Variants in RPL4 observed in about 807,000 individuals in gnomAD.
The protein encoded by RPL4 is ribosomal protein L4.
In RPL4, 3 loss-of-function variants were observed where a neutral mutation model predicts 47.7. That is an observed-to-expected ratio of 0.06 (90% CI 0.03 to 0.16). RPL4 has a LOEUF of 0.16. RPL4 is among the 10% of genes least tolerant of loss of function. The pLI is 1.00. For synonymous variants in RPL4, 208 were observed against 182.1 expected, an observed-to-expected ratio of 1.14 and a Z score of -1.15; for missense variants, 413 against 551.3, an observed-to-expected ratio of 0.75 and a Z score of 2.51.
Position 66,499,203 on chromosome 15 carries a change from T to C in RPL4, c.*204A>G. The stretch of plus-strand genomic sequence containing the variant: ...TCCACTGAACTCCATGGACTTAGTA[T>C]AAATCCATGCCCCATTTTATACCAC... On this transcript the variant is annotated 3_prime_UTR_variant, in exon 10 of 10. Transcript: ENST00000307961. 1.7e-6 allele frequency: 1 copy of C among 598,232 alleles called. No homozygotes were observed. The highest frequency in any genetic ancestry group is 2.9e-6 in the Non-Finnish European group (1 of 349,702). The allele number at this position is 598,232 out of a possible 1,614,324, so 37.1% of individuals were successfully genotyped here. A position where few individuals can be genotyped will look rare whatever the true frequency, so the allele number is the denominator to read the frequency against.
At chr15:66,499,852 G>GT (rs1168378970) in intron 9 of RPL4, 200 bp from the exon 10 acceptor site, 3 of 900,204 alleles carry the variant, frequency 3.3e-6, no homozygotes, top group African/African-American at 1.7e-5. Flanking sequence ...GTGACACCCC[G>GT]TCTCTACTGA....
chr15:66,499,969 G>T, intron 9 of RPL4, 87 bp downstream of exon 9: 1 of 1,516,234 alleles, frequency 6.6e-7, no homozygotes, highest in South Asian at 1.2e-5. Flanking sequence ...GTTGCAGTGA[G>T]CTGAGATCAC....
rs1183291331 is a variant in RPL4, at chr15:66,504,793, C to G, written c.-3G>C. On this transcript the variant is annotated 5_prime_UTR_variant, in exon 1 of 10. Coordinates refer to ENST00000307961, the MANE Select transcript of RPL4 (RefSeq NM_000968.4). ...CCAAGAGAACTTCCACTCACCATGG[C>G]GGAGAGAGGAGACAGCCACGCTCCT... The G allele has an allele frequency of 3.7e-6, 6 of 1,611,878 alleles. No homozygotes were observed. The highest frequency in any genetic ancestry group is 1.6e-4 in the Middle Eastern group (1 of 6,084).
At chr15:66,502,462 A>G (rs1893640195) in intron 4 of RPL4, 150 bp downstream of exon 4, 1 of 831,768 alleles carries the variant, frequency 1.2e-6, no homozygotes, top group African/African-American at 1.7e-5. Flanking sequence ...TGGAATATCC[A>G]TGAACTAAAA....
chr15:66,502,847 GCTTA>G, intron 3 of RPL4, 97 bp from the exon 4 acceptor site: 4 of 1,568,638 alleles, frequency 2.5e-6, no homozygotes, highest in East Asian at 2.2e-5. Context: ...TTCTGTACCA[GCTTA>G]CTGACAGCAG....
rs373217813 is a variant in RPL4 at position 66,501,785 on chromosome 15, G to C, written c.546+3C>G. 6.2e-7 allele frequency: 1 copy of C among 1,608,220 alleles called. No homozygotes were observed. Among genetic ancestry groups the C allele is most frequent in the Non-Finnish European group, 8.5e-7 (1 of 1,178,842 alleles). ...AAACTGTAAATGTGCTCATTGAACG[G>C]ACCTTTTTGATATCATTCCAGGCTT... On this transcript the variant is annotated splice_donor_region_variant and intron_variant, in intron 5 of 9. Transcript: ENST00000307961.
At position 66,499,517 on chromosome 15, in the gene RPL4, G is replaced by T. The variant is rs1276881462; in HGVS notation, c.1174C>A (p.Gln392Lys). 3 of 1,612,350 alleles carry T rather than the reference G, an allele frequency of 1.9e-6. No homozygotes were observed. Among genetic ancestry groups the T allele is most frequent in the Admixed American group, 1.7e-5 (1 of 59,990 alleles). Residue 392 changes from glutamine to lysine, a missense_variant, in exon 10 of 10, where the codon CAG becomes AAG. By Grantham distance (53) the Gln-to-Lys change is moderately conservative. Transcript: ENST00000307961. Reference sequence around the variant, plus strand: ...TTTTTTCCCACCAGAGGCTTCTTCTGCTTCTTAACACCAACAGCAGCCTTC... The same window carrying T: ...TTTTTTCCCACCAGAGGCTTCTTCTTCTTCTTAACACCAACAGCAGCCTTC... ...GKKAAVGVKK[Q>K]KKPLVGKKAA... is the part of the protein sequence containing the mutation.
At chr15:66,501,956 T>TG in intron 4 of RPL4, 44 bp from the exon 5 acceptor site, 2 of 1,580,478 alleles carry the variant, frequency 1.3e-6, no homozygotes, top group South Asian at 2.3e-5. Context: ...CTGAAACTTT[T>TG]GGAGAAAAAA....
Position 66,502,151 on chromosome 15 carries a change from G to C in RPL4, c.422-239C>G. 3 of 646,184 alleles carry C rather than the reference G, an allele frequency of 4.6e-6. No individual in the cohort carries two copies. The African/African-American group carries it at 5.4e-5, about 12-fold the overall frequency. The allele number at this position is 646,184 out of a possible 1,614,324, so 40.0% of individuals were successfully genotyped here. On this transcript the variant is annotated intron_variant, in intron 4 of 9. Transcript: ENST00000307961. Reference sequence around the variant, plus strand: ...CAAGTTTAAGTTGGAAGTTTTCTAAGGATATACTAAACTACTACTTGAATA... The same window carrying C: ...CAAGTTTAAGTTGGAAGTTTTCTAACGATATACTAAACTACTACTTGAATA...
In RPL4 at chr15:66,503,376, C is replaced by A. The variant is rs1004258910; in HGVS notation, c.157G>T (p.Ala53Ser). Residue 53 changes from alanine to serine, a missense_variant, in exon 2 of 10, where the codon GCT becomes TCT. Ala to Ser is a moderately conservative substitution (Grantham distance 99). Around this residue, in one of 4 missense-constraint regions of RPL4, gnomAD observed 56 missense variants for 70.6 expected, o/e 0.79. Coordinates refer to ENST00000307961, the MANE Select transcript of RPL4 (RefSeq NM_000968.4). ...NLRKNNRQPY[A>S]VSELAGHQTS... is the part of the protein sequence containing the mutation. The stretch of plus-strand genomic sequence containing the variant: ...TCCATACCTGCTAATTCACTGACAG[C>A]ATAGGGCTGTCTGTTGTTTTTGCGC... 1.9e-6 allele frequency: 3 copies of A among 1,610,304 alleles called. No individual in the cohort carries two copies. In the African/African-American group the frequency reaches 4.0e-5, roughly 22 times the overall value.
At chr15:66,504,031 C>T (rs1054650106) in intron 1 of RPL4, among the ~76,000 whole-genome samples, 1 of 152,206 alleles carries the variant, frequency 6.6e-6, no homozygotes, top group African/African-American at 2.4e-5. Context: ...TTCTCTACTT[C>T]TGATCTCAAC....
At chr15:66,502,570 T>TTATTTC (rs1463970435) in intron 4 of RPL4, 42 bp downstream of exon 4, 1 of 1,594,038 alleles carries the variant, frequency 6.3e-7, no homozygotes, top group African/African-American at 1.3e-5. Context: ...AGTAGGTGTC[T>TTATTTC]TATTTCTTCT....
At position 66,501,242 on chromosome 15, in the gene RPL4, T is replaced by C. The variant is rs755596632; in HGVS notation, c.676+133A>G. The C allele has an allele frequency of 2.6e-6, 4 of 1,553,870 alleles. No individual in the cohort carries two copies. In the South Asian group the frequency reaches 4.5e-5, roughly 17 times the overall value. ...TTTCAACCATCAATGGTGCAACTCT[T>C]TCAGCCATAAATCAGAACTTCCACA... On this transcript the variant is annotated intron_variant, in intron 6 of 9. Coordinates refer to ENST00000307961, the MANE Select transcript of RPL4 (RefSeq NM_000968.4).
Position 66,499,624 on chromosome 15 carries a change from G to A in RPL4, c.1067C>T (p.Ala356Val). 3.1e-6 allele frequency: 5 copies of A among 1,614,008 alleles called. No individual in the cohort carries two copies. Among genetic ancestry groups the A allele is most frequent in the South Asian group, 1.1e-5 (1 of 91,078 alleles). ...NHKLRVDKAA[A>V]AAAALQAKSD... ...TTTGGCTTGTAGTGCCGCTGCTGCAGCAGCTGCCTTATCCACCCGGAGCTT... is the reference window on the plus strand; with the variant it reads ...TTTGGCTTGTAGTGCCGCTGCTGCAACAGCTGCCTTATCCACCCGGAGCTT... The change falls in exon 10 of 10, where the codon GCT (alanine) becomes GTT (valine). Residue 356 changes from alanine to valine, a missense_variant. Ala to Val is a moderately conservative substitution (Grantham distance 64). Around this residue, in one of 4 missense-constraint regions of RPL4, gnomAD observed 134 missense variants for 122.7 expected, o/e 1.09. Coordinates refer to ENST00000307961, the MANE Select transcript of RPL4 (RefSeq NM_000968.4).
chr15:66,503,564 A>G (rs1893672774), intron 1 of RPL4, 35 bp from the exon 2 acceptor site: 4 of 1,559,662 alleles, frequency 2.6e-6, no homozygotes, highest in Non-Finnish European at 2.6e-6. Context: ...TTTATTGACA[A>G]GTAATGTTTG....
intron 9 of RPL4, 41 bp from the exon 10 acceptor site, chr15:66,499,693 T>C (rs376012925): frequency 1.6e-5 from 25 of 1,608,782 alleles, no homozygotes; most frequent in Non-Finnish European, 2.1e-5. Context: ...ATCAAATCCC[T>C]GTAAGAACTT....
chr15:66,500,370 G>A lies in RPL4; in HGVS notation c.840C>T (p.Pro280=). 6.2e-7 allele frequency: 1 copy of A among 1,613,766 alleles called. No individual in the cohort carries two copies. Among genetic ancestry groups the A allele is most frequent in the African/African-American group, 1.3e-5 (1 of 75,014 alleles). The change falls in exon 8 of 10, where the codon CCC becomes CCT. Residue 280 remains proline, a synonymous_variant. Coordinates refer to ENST00000307961, the MANE Select transcript of RPL4 (RefSeq NM_000968.4). ...GATCTGTATTAATCATCTTGTGCAT[G>A]GGAAGACTGAAAGGGAAAAGATTGA... is the stretch of plus-strand genomic sequence containing the variant. ...AASLKSNYNL[P]MHKMINTDLS...
intron 4 of RPL4, chr15:66,502,352 A>G (rs1893636928): frequency 2.2e-6 from 1 of 452,850 alleles, no homozygotes. Flanking sequence ...GATACGAAAT[A>G]TTTTTGATTA....
rs1197360101 is a variant in RPL4 at position 66,499,970 on chromosome 15, C to T, written c.1038+86G>A. On this transcript the variant is annotated intron_variant, in intron 9 of 9. Transcript: ENST00000307961. The stretch of plus-strand genomic sequence containing the variant: ...CTTGGTAGGTGGAGGTTGCAGTGAG[C>T]TGAGATCACGCCATTGCACTCCAGC... The T allele has an allele frequency of 4.6e-6, 7 of 1,523,692 alleles. No homozygotes were observed. In the Admixed American group the frequency reaches 1.1e-4, roughly 24 times the overall value. 94.4% of individuals were successfully genotyped at this position (1,523,692 alleles called of 1,614,324 possible).
Sources: gnomAD v4.1 joint callset for allele counts (sites outside exome capture counted in the v4.1 genomes callset) on GRCh38, gnomAD v4.1.1 for gene constraint, gnomAD v4.1.1 regional missense constraint, MANE v1.5 for transcripts, NCBI Gene and HGNC (gene_info 2026-07-23, HGNC 2026-07-21) for gene names.